Variants in WWOX observed in about 807,000 individuals in gnomAD.
The protein encoded by WWOX is WW domain-containing oxidoreductase.
WWOX carries 69 observed loss-of-function variants against 46.2 expected under a neutral mutation model. The ratio of observed to expected loss-of-function variants is 1.49; its 90% CI spans 1.23 to 1.82. The LOEUF is 1.82. Ranked by LOEUF, WWOX falls within the 40% of genes most tolerant of loss-of-function variation. The pLI, the probability that WWOX is intolerant of heterozygous loss-of-function variation, is 0.00. For missense variants in WWOX, 919 were observed against 542.6 expected, an observed-to-expected ratio of 1.69 and a Z score of -6.89; for synonymous variants, 359 against 202.6, an observed-to-expected ratio of 1.77 and a Z score of -6.56.
chr16:78,565,149 C>T (rs2044534573), intron 8 of WWOX, among the ~76,000 whole-genome samples: 1 of 152,236 alleles, frequency 6.6e-6, no homozygotes. Context: ...CTGACTTTGG[C>T]ATTGGTGCCT....
chr16:78,195,540 A>G (rs1206635124), intron 5 of WWOX, among the ~76,000 whole-genome samples: 1 of 151,444 alleles, frequency 6.6e-6, no homozygotes, highest in Non-Finnish European at 1.5e-5. Flanking sequence ...AAGTGCTAAG[A>G]AAAAAAAAGA....
intron 8 of WWOX, among the ~76,000 whole-genome samples, chr16:78,690,571 G>T (rs1294497886): frequency 6.6e-6 from 1 of 152,008 alleles, no homozygotes; most frequent in Non-Finnish European, 1.5e-5. Context: ...AAAAGAAGAA[G>T]AAATGTTTAT....
chr16:78,562,222 A>T (rs955880723), intron 8 of WWOX, among the ~76,000 whole-genome samples: 1 of 152,180 alleles, frequency 6.6e-6, no homozygotes, highest in Non-Finnish European at 1.5e-5. Context: ...GGAGAAGGAA[A>T]TAAGAGCCTC....
At position 78,486,700 on chromosome 16, in the gene WWOX, C is replaced by T. The variant is rs138624237; in HGVS notation, c.1056+53948C>T. 6.7e-3 allele frequency among the ~76,000 whole-genome samples: 1,026 copies of T among 152,210 alleles called. 28 individuals are homozygous for T. The highest frequency in any genetic ancestry group is 0.04 in the Admixed American group (609 of 15,294). On this transcript the variant is annotated intron_variant, in intron 8 of 8. Transcript: ENST00000566780. Reference sequence around the variant, plus strand: ...AGGAATTCTCTGCCTTAGCCTCCCGCGTAGCTGGGATTACAGGTGCATGCC... The same window carrying T: ...AGGAATTCTCTGCCTTAGCCTCCCGTGTAGCTGGGATTACAGGTGCATGCC...
intron 5 of WWOX, among the ~76,000 whole-genome samples, chr16:78,326,475 A>G (rs1442143236): frequency 1.3e-5 from 2 of 151,352 alleles, no homozygotes; most frequent in African/African-American, 4.9e-5. Context: ...GGGCCTAGTA[A>G]AGGAATGTAA....
At chr16:78,960,483 A>T (rs1302269785) in intron 8 of WWOX, among the ~76,000 whole-genome samples, 1 of 152,216 alleles carries the variant, frequency 6.6e-6, no homozygotes, top group Non-Finnish European at 1.5e-5. Flanking sequence ...GCTTTAGCTT[A>T]AATCTACTGG....
chr16:78,688,288 T>G (rs2142256408), intron 8 of WWOX, among the ~76,000 whole-genome samples: 1 of 152,024 alleles, frequency 6.6e-6, no homozygotes, highest in South Asian at 2.1e-4. Flanking sequence ...TCTTTATCCT[T>G]AGATCTTAAT....
At chr16:79,162,729 G>A (rs1211796118) in intron 8 of WWOX, among the ~76,000 whole-genome samples, 1 of 152,166 alleles carries the variant, frequency 6.6e-6, no homozygotes, top group Non-Finnish European at 1.5e-5. Context: ...AGAGGCTCAA[G>A]AATTGAGACA....
At chr16:78,748,248 T>G (rs2049396458) in intron 8 of WWOX, among the ~76,000 whole-genome samples, 1 of 152,202 alleles carries the variant, frequency 6.6e-6, no homozygotes, top group African/African-American at 2.4e-5. Flanking sequence ...TGAATGAACC[T>G]TGTCTACCAC....
intron 4 of WWOX, among the ~76,000 whole-genome samples, chr16:78,138,562 A>G (rs372857404): frequency 3.3e-5 from 5 of 152,214 alleles, no homozygotes; most frequent in Admixed American, 6.5e-5. Context: ...GTTTAATGCA[A>G]CTTTACTAAG....
chr16:78,233,637 C>T (rs965110004), intron 5 of WWOX, among the ~76,000 whole-genome samples: 8 of 149,550 alleles, frequency 5.3e-5, no homozygotes, highest in Admixed American at 1.4e-4. Context: ...TGCCATTCTT[C>T]TGCCTCAGCC....
chr16:79,145,294 C>G (rs1212609825), intron 8 of WWOX, among the ~76,000 whole-genome samples: 1 of 152,110 alleles, frequency 6.6e-6, no homozygotes, highest in African/African-American at 2.4e-5. Flanking sequence ...AGCCAACCAA[C>G]CAACGAAACA....
intron 8 of WWOX, among the ~76,000 whole-genome samples, chr16:78,509,736 G>T (rs193133785): frequency 6.6e-6 from 1 of 152,198 alleles, no homozygotes; most frequent in African/African-American, 2.4e-5. Flanking sequence ...GAAAGTGATT[G>T]CAATGTTAAT....
chr16:78,493,391 T>C (rs7204790), intron 8 of WWOX, among the ~76,000 whole-genome samples: 112,587 of 151,782 alleles, frequency 0.74, 44,131 homozygotes, highest in Admixed American at 0.86. Flanking sequence ...AGGCGTGGCT[T>C]GATTTATGCA....
intron 8 of WWOX, among the ~76,000 whole-genome samples, chr16:78,883,992 C>G (rs1479030973): frequency 6.6e-6 from 1 of 152,022 alleles, no homozygotes; most frequent in African/African-American, 2.4e-5. Context: ...AGAAATTTCA[C>G]TTCTGGCCAG....
chr16:78,508,130 T>G (rs1236734908), intron 8 of WWOX, among the ~76,000 whole-genome samples: 1 of 151,836 alleles, frequency 6.6e-6, no homozygotes, highest in East Asian at 1.9e-4. Context: ...TGTCTCAATC[T>G]CCCTAGTAGT....
In WWOX at chr16:79,051,820, C is replaced by A. The variant is rs569648230; in HGVS notation, c.1057-159788C>A. Among the ~76,000 whole-genome samples, 3 of 152,328 alleles carry A rather than the reference C, an allele frequency of 2.0e-5. No homozygotes were observed. In the East Asian group the frequency reaches 5.8e-4, roughly 29 times the overall value. On this transcript the variant is annotated intron_variant, in intron 8 of 8. Coordinates refer to ENST00000566780, the MANE Select transcript of WWOX (RefSeq NM_016373.4). ...GCTAACATTCTTAAATATCTGCTAGCTGTAATGAAGAAATCAATGTACTTT... is the reference window on the plus strand; with the variant it reads ...GCTAACATTCTTAAATATCTGCTAGATGTAATGAAGAAATCAATGTACTTT...
intron 5 of WWOX, among the ~76,000 whole-genome samples, chr16:78,291,443 G>A (rs561953221): frequency 6.6e-6 from 1 of 152,280 alleles, no homozygotes; most frequent in African/African-American, 2.4e-5. Context: ...GGCCACTCAC[G>A]TGAACTAAGT....
chr16:78,929,415 G>C (rs1206991255), intron 8 of WWOX, among the ~76,000 whole-genome samples: 2 of 151,832 alleles, frequency 1.3e-5, no homozygotes, highest in Non-Finnish European at 2.9e-5. Context: ...CATTACTAAA[G>C]AATAGGAAAG....
Sources: gnomAD v4.1 joint callset for allele counts (sites outside exome capture counted in the v4.1 genomes callset) on GRCh38, gnomAD v4.1.1 for gene constraint, MANE v1.5 for transcripts, NCBI Gene and HGNC (gene_info 2026-07-23, HGNC 2026-07-21) for gene names.